The following IDH3B variants were observed in gnomAD, a reference collection of about 807,000 sequenced individuals.
IDH3B encodes isocitrate dehydrogenase [NAD] subunit beta, mitochondrial.
Under a neutral mutation model 47.5 loss-of-function variants are expected in IDH3B, and 40 were observed. The ratio of observed to expected loss-of-function variants is 0.84; its 90% CI spans 0.65 to 1.10. The LOEUF (loss-of-function observed/expected upper bound fraction) is 1.10. Ranked by LOEUF, IDH3B falls within the 50% of genes least tolerant of loss-of-function variation. The pLI is 0.00. For missense variants in IDH3B, 450 were observed against 505.2 expected, an observed-to-expected ratio of 0.89 and a Z score of 1.05; for synonymous variants, 185 against 191.0, an observed-to-expected ratio of 0.97 and a Z score of 0.26.
At chr20:2,663,839 C>G (rs2086995287) in intron 2 of IDH3B, 81 bp from the exon 3 acceptor site, 6 of 1,594,620 alleles carry the variant, frequency 3.8e-6, no homozygotes, top group Non-Finnish European at 5.2e-6. Context: ...GTAGGGAGAC[C>G]CGGGAGGGGT....
At chr20:2,663,876 G>T in intron 2 of IDH3B, 49 bp downstream of exon 2, 1 of 1,600,834 alleles carries the variant, frequency 6.2e-7, no homozygotes, top group Non-Finnish European at 8.6e-7. Flanking sequence ...AGGGAGCAGC[G>T]AGGAAGGGAC....
Position 2,658,595 on chromosome 20 carries a change from CTG to C in IDH3B, c.*154_*155del, listed in dbSNP as rs1383564927. ...ACAATCCCCATCACCACCCAACAGTCTGTCCCCTAAGGAAGCCGGCCCAAGGA... is the reference window on the plus strand; with the variant it reads ...ACAATCCCCATCACCACCCAACAGTCTCCCCTAAGGAAGCCGGCCCAAGGA... On this transcript the variant is annotated 3_prime_UTR_variant, in exon 12 of 12. Transcript: ENST00000380843. 6.2e-7 allele frequency: 1 copy of C among 1,612,248 alleles called. No individual in the cohort carries two copies. The highest frequency in any genetic ancestry group is 1.3e-5 in the African/African-American group (1 of 74,908).
chr20:2,660,679 C>A lies in IDH3B; in HGVS notation c.531+18G>T, dbSNP rs1029214958. ...TCCCATCTTCATCCTTGCCCTCCCC[C>A]AGTTTCTGGGGCCTCACCTCATGTT... On this transcript the variant is annotated intron_variant, in intron 6 of 11. Transcript: ENST00000380843. This position sits in a 1 kb window ranked among gnomAD's most constrained non-coding sequence, Gnocchi z 5.6. 1.2e-6 allele frequency: 2 copies of A among 1,614,218 alleles called. No individual in the cohort carries two copies. The highest frequency in any genetic ancestry group is 1.7e-6 in the Non-Finnish European group (2 of 1,180,042).
rs779059639 is a variant in IDH3B, at chr20:2,660,588, A to G, written c.534T>C (p.Ser178=). 1 of 1,613,976 alleles carries G rather than the reference A, an allele frequency of 6.2e-7. No homozygotes were observed. The highest frequency in any genetic ancestry group is 1.1e-5 in the South Asian group (1 of 91,062). ...EGEYSSLEHE[S]ARGVIECLKI... is the part of the protein sequence containing the mutation. ...TCAAACACTCAATCACACCCCTTGCACTCTGGGTAAGAAGAAAGCAGCAGC... is the reference window on the plus strand; with the variant it reads ...TCAAACACTCAATCACACCCCTTGCGCTCTGGGTAAGAAGAAAGCAGCAGC... Residue 178 remains serine, a splice_region_variant and synonymous_variant, in exon 7 of 12, where the codon AGT becomes AGC. Coordinates refer to ENST00000380843, the MANE Select transcript of IDH3B (RefSeq NM_006899.5). This position sits in a 1 kb window ranked among gnomAD's most constrained non-coding sequence, Gnocchi z 5.6.
At position 2,660,320 on chromosome 20, in the gene IDH3B, A is replaced by C. The variant is rs200478735; in HGVS notation, c.711T>G (p.Ala237=). ...GLFLQCCEEV[A]ELYPKIKFET... is the part of the protein sequence containing the mutation. ...CAAATTTGATTTTGGGGTACAGTTC[A>C]GCAACTTCCTCACAGCACTGCAGGA... The change falls in exon 8 of 12, where the codon GCT becomes GCG. Residue 237 remains alanine, a synonymous_variant. Transcript: ENST00000380843. This position sits in a 1 kb window ranked among gnomAD's most constrained non-coding sequence, Gnocchi z 5.6. The C allele has an allele frequency of 6.2e-7, 1 of 1,614,106 alleles. No individual in the cohort carries two copies. Among genetic ancestry groups the C allele is most frequent in the East Asian group, 2.2e-5 (1 of 44,880 alleles).
At position 2,658,826 on chromosome 20, in the gene IDH3B, T is replaced by G. The variant is rs746384948; in HGVS notation, c.1083A>C (p.Arg361=). 6.2e-7 allele frequency: 1 copy of G among 1,614,018 alleles called. No homozygotes were observed. The highest frequency in any genetic ancestry group is 1.7e-5 in the Admixed American group (1 of 60,016). ...TTGTGGTGCTGTAGCCGCCCATGTC[T>G]CGAGTCCGCACCTACAGCCACCACC... ...KVIKVGKVRT[R]DMGGYSTTTD... Residue 361 remains arginine (R), a synonymous_variant, in exon 12 of 12, where the codon CGA becomes CGC. Transcript: ENST00000380843.
Position 2,663,991 on chromosome 20 carries a change from G to T in IDH3B, c.51C>A (p.Ala17=), listed in dbSNP as rs769556180. 1.1e-5 allele frequency: 18 copies of T among 1,614,160 alleles called. No homozygotes were observed. In the East Asian group the frequency reaches 2.9e-4, roughly 26 times the overall value. ...VRWLTRALVS[A]GNPGAWRGLS... is the part of the protein sequence containing the mutation. Reference sequence around the variant, plus strand: ...GACCTCTCCATGCCCCAGGGTTCCCGGCGGAGACCAGCGCCTGCAACAGGG... The same window carrying T: ...GACCTCTCCATGCCCCAGGGTTCCCTGCGGAGACCAGCGCCTGCAACAGGG... The change falls in exon 2 of 12, where the codon GCC becomes GCA. Residue 17 remains alanine, a synonymous_variant. Coordinates refer to ENST00000380843, the MANE Select transcript of IDH3B (RefSeq NM_006899.5).
chr20:2,658,527 G>T lies in IDH3B; in HGVS notation c.*224C>A, dbSNP rs375766433. On this transcript the variant is annotated 3_prime_UTR_variant, in exon 12 of 12. Transcript: ENST00000380843. Reference sequence around the variant, plus strand: ...ACCCATGTCAGAGGTTCGAACCTGTGGGGGAGAATCATCATCATCCATGTG... The same window carrying T: ...ACCCATGTCAGAGGTTCGAACCTGTTGGGGAGAATCATCATCATCCATGTG... 284 of 1,613,820 alleles carry T rather than the reference G, an allele frequency of 1.8e-4. No homozygotes were observed. Among genetic ancestry groups the T allele is most frequent in the South Asian group, 1.8e-4 (16 of 90,980 alleles).
intron 11 of IDH3B, chr20:2,659,225 C>A (rs1241213658): frequency 6.3e-6 from 9 of 1,436,238 alleles, no homozygotes; most frequent in Non-Finnish European, 8.2e-6. Flanking sequence ...TGCTGTTCCA[C>A]CCCCAAGGAG....
chr20:2,664,123 G>A, intron 1 of IDH3B, 30 bp downstream of exon 1: 1 of 1,611,140 alleles, frequency 6.2e-7, no homozygotes, highest in Non-Finnish European at 8.5e-7. Context: ...TCCTTCGCCC[G>A]CCCCTGCCCG....
rs1299477675 is a variant in IDH3B, at chr20:2,660,967, T to C, written c.340A>G (p.Lys114Glu). 6.2e-7 allele frequency: 1 copy of C among 1,613,820 alleles called. No homozygotes were observed. The highest frequency in any genetic ancestry group is 1.3e-5 in the African/African-American group (1 of 74,864). ...MKENKVAIIG[K>E]IHTPMEYKGE... ...TTATACTCCATCGGGGTATGAATCT[T>C]TCCTGTGAAAACAAAGTGGGAAAAG... Residue 114 changes from lysine to glutamate, a missense_variant and splice_region_variant, in exon 5 of 12, where the codon AAG (lysine) becomes GAG (glutamate). Transcript: ENST00000380843. The surrounding 1 kb of genome is among the most constrained non-coding windows in gnomAD (Gnocchi z 5.6).
rs774688353 is a variant in IDH3B at position 2,660,394 on chromosome 20, A to G, written c.666-29T>C. 2 of 1,614,100 alleles carry G rather than the reference A, an allele frequency of 1.2e-6. No individual in the cohort carries two copies. The highest frequency in any genetic ancestry group is 1.7e-6 in the Non-Finnish European group (2 of 1,179,954). On this transcript the variant is annotated intron_variant, in intron 7 of 11. Coordinates refer to ENST00000380843, the MANE Select transcript of IDH3B (RefSeq NM_006899.5). The surrounding 1 kb of genome is among the most constrained non-coding windows in gnomAD (Gnocchi z 5.6). ...TCCATGGGCCAAAGGGGACAGAATCAGCCAAGAAAGTACAGGGGCTACCTT... is the reference window on the plus strand; with the variant it reads ...TCCATGGGCCAAAGGGGACAGAATCGGCCAAGAAAGTACAGGGGCTACCTT...
chr20:2,660,565 A>G lies in IDH3B; in HGVS notation c.557T>C (p.Leu186Ser). The stretch of plus-strand genomic sequence containing the variant: ...AGACTTGGCTCGTGTGACAATCTTC[A>G]AACACTCAATCACACCCCTTGCACT... ...HESARGVIEC[L>S]KIVTRAKSQR... is the part of the protein sequence containing the mutation. Residue 186 changes from leucine (L) to serine (S), a missense_variant, in exon 7 of 12, where the codon TTG becomes TCG. Transcript: ENST00000380843. This position sits in a 1 kb window ranked among gnomAD's most constrained non-coding sequence, Gnocchi z 5.6. 6.2e-7 allele frequency: 1 copy of G among 1,614,140 alleles called. No individual in the cohort carries two copies. The highest frequency in any genetic ancestry group is 8.5e-7 in the Non-Finnish European group (1 of 1,180,026).
rs2086908450 is a variant in IDH3B, at chr20:2,659,894, G to T, written c.916-101C>A. ...TTATGGGAGGGGGAGCTCAGGCCAG[G>T]GTCACTGAAAAGAGGCATGGTGGGC... On this transcript the variant is annotated intron_variant, in intron 9 of 11. Transcript: ENST00000380843. 61 of 1,436,242 alleles carry T rather than the reference G, an allele frequency of 4.2e-5. No individual in the cohort carries two copies. The South Asian group carries it at 6.4e-4, about 15-fold the overall frequency. 89.0% of individuals were successfully genotyped at this position (1,436,242 alleles called of 1,614,324 possible).
rs759156747 is a variant in IDH3B, at chr20:2,660,536, G to A, written c.586C>T (p.Arg196Trp). 3 of 1,613,976 alleles carry A rather than the reference G, an allele frequency of 1.9e-6. No homozygotes were observed. Among genetic ancestry groups the A allele is most frequent in the South Asian group, 1.1e-5 (1 of 91,070 alleles). ...TAGTCAAAGGCGAACTTTGCAATCC[G>A]CTGAGACTTGGCTCGTGTGACAATC... is the stretch of plus-strand genomic sequence containing the variant. ...LKIVTRAKSQ[R>W]IAKFAFDYAT... Residue 196 changes from arginine to tryptophan, a missense_variant, in exon 7 of 12, where the codon CGG becomes TGG. Arg to Trp is a moderately radical substitution (Grantham distance 101, BLOSUM62 -3). Transcript: ENST00000380843. This position sits in a 1 kb window ranked among gnomAD's most constrained non-coding sequence, Gnocchi z 5.6.
rs748820741 is a variant in IDH3B at position 2,664,211 on chromosome 20, G to A, written c.-23C>T. On this transcript the variant is annotated 5_prime_UTR_variant, in exon 1 of 12. Transcript: ENST00000380843. ...CATGTTTCCCGCAGGAAGTCGCGTG[G>A]GAAGTGACGCCTGAAGCTGGCGCGG... The A allele has an allele frequency of 7.4e-6, 12 of 1,611,820 alleles. No homozygotes were observed. Among genetic ancestry groups the A allele is most frequent in the Non-Finnish European group, 1.0e-5 (12 of 1,179,266 alleles).
In IDH3B at chr20:2,660,802, T is replaced by C. The variant is rs760619105; in HGVS notation, c.426A>G (p.Val142=). Residue 142 remains valine (V), a synonymous_variant, in exon 6 of 12, where the codon GTA becomes GTG. Transcript: ENST00000380843. The surrounding 1 kb of genome is among the most constrained non-coding windows in gnomAD (Gnocchi z 5.6). Reference sequence around the variant, plus strand: ...ACCCAGGAAGTGACTTCACATGGACTACGTTGGCAAATAAGTCCAACTTAC... The same window carrying C: ...ACCCAGGAAGTGACTTCACATGGACCACGTTGGCAAATAAGTCCAACTTAC... ...LRRKLDLFAN[V]VHVKSLPGYM... 23 of 1,614,044 alleles carry C rather than the reference T, an allele frequency of 1.4e-5. No homozygotes were observed. In the East Asian group the frequency reaches 5.1e-4, roughly 36 times the overall value.
In IDH3B at chr20:2,660,227, C is replaced by T; in HGVS notation, c.768+36G>A. The T allele has an allele frequency of 6.2e-7, 1 of 1,614,056 alleles. No homozygotes were observed. Among genetic ancestry groups the T allele is most frequent in the Non-Finnish European group, 8.5e-7 (1 of 1,179,916 alleles). On this transcript the variant is annotated intron_variant, in intron 8 of 11. Transcript: ENST00000380843. The surrounding 1 kb of genome is among the most constrained non-coding windows in gnomAD (Gnocchi z 5.6). ...GTAAATTCCACTCCCCACCCTCCTC[C>T]TCCGCCCCATGAGTAGAGATGTGGG...
chr20:2,659,091 G>A (rs1274138482), intron 11 of IDH3B: 1 of 1,439,102 alleles, frequency 6.9e-7, no homozygotes, highest in East Asian at 2.5e-5. Flanking sequence ...ACGCAGATCA[G>A]AGGCAGGATG....
Sources: allele counts gnomAD v4.1 joint callset, GRCh38; gene constraint gnomAD v4.1.1; non-coding constraint Gnocchi (gnomAD v3.1); transcripts MANE v1.5; gene names NCBI Gene and HGNC (gene_info 2026-07-23, HGNC 2026-07-21).